The following PUM2 variants were observed in gnomAD, a reference collection of about 807,000 sequenced individuals.
The protein encoded by PUM2 is pumilio homolog 2.
Under a neutral mutation model 124.5 loss-of-function variants are expected in PUM2, and 57 were observed. The observed-to-expected ratio is 0.46, with a 90% CI of 0.37 to 0.57. The LOEUF is 0.57. Among genes scored for constraint, PUM2 ranks in the 20% least tolerant of loss-of-function variants. The pLI, the probability that PUM2 is intolerant of heterozygous loss-of-function variation, is 0.00. For missense variants in PUM2, 1,065 were observed against 1,290.6 expected (o/e 0.83, Z 2.68); for synonymous variants, 460 against 446.1 (o/e 1.03, Z -0.39).
At chr2:20,306,960 T>C (rs1678471686) in intron 7 of PUM2, among the ~76,000 whole-genome samples, 1 of 146,492 alleles carries the variant, frequency 6.8e-6, no homozygotes, top group Admixed American at 6.8e-5. Flanking sequence ...ACACCTGCAA[T>C]CCCAGCACTT....
At chr2:20,302,799 ACT>A (rs1192495769) in intron 7 of PUM2, among the ~76,000 whole-genome samples, 11 of 152,168 alleles carry the variant, frequency 7.2e-5, no homozygotes, top group African/African-American at 2.2e-4. Flanking sequence ...AAATGCAGAA[ACT>A]CTGTTCAAAT....
intron 10 of PUM2, among the ~76,000 whole-genome samples, chr2:20,284,516 C>T (rs750191958): frequency 5.3e-5 from 8 of 151,192 alleles, no homozygotes; most frequent in Non-Finnish European, 7.4e-5. Flanking sequence ...CCACCAGGTC[C>T]GGATAATTTA....
intron 1 of PUM2, among the ~76,000 whole-genome samples, chr2:20,332,282 A>AGTGTGTGTGT (rs55986830): frequency 0.013 from 1,845 of 145,398 alleles, 18 homozygotes; most frequent in Non-Finnish European, 0.015. Flanking sequence ...ATACTACTAG[A>AGTGTGTGTGT]GTGTGTGTGT....
chr2:20,263,109 G>C lies in PUM2; in HGVS notation c.2225+84C>G, dbSNP rs896092050. Reference sequence around the variant, plus strand: ...CTTAAAAGCTTCCAACTTTAATGCAGACTAAAGTCCAGAAAAATTTAAGCT... The same window carrying C: ...CTTAAAAGCTTCCAACTTTAATGCACACTAAAGTCCAGAAAAATTTAAGCT... On this transcript the variant is annotated intron_variant, in intron 14 of 20. Transcript: ENST00000361078. The C allele has an allele frequency of 3.7e-6, 5 of 1,353,302 alleles. No individual in the cohort carries two copies. In the Admixed American group the frequency reaches 1.1e-4, roughly 29 times the overall value. The allele number at this position is 1,353,302 out of a possible 1,614,324, so 83.8% of individuals were successfully genotyped here. A position where few individuals can be genotyped will look rare whatever the true frequency, so the allele number is the denominator to read the frequency against.
chr2:20,350,582 C>A lies in PUM2; in HGVS notation c.-19+15G>T. On this transcript the variant is annotated intron_variant, in intron 1 of 20. Coordinates refer to ENST00000361078, the MANE Select transcript of PUM2 (RefSeq NM_015317.5). Reference sequence around the variant, plus strand: ...GCCAAAGGACCGGAGAAAGAGCGAACGCGGACTGACTTACAGGGCTGCTGC... The same window carrying A: ...GCCAAAGGACCGGAGAAAGAGCGAAAGCGGACTGACTTACAGGGCTGCTGC... 1 of 985,462 alleles carries A rather than the reference C, an allele frequency of 1.0e-6. No individual in the cohort carries two copies. The highest frequency in any genetic ancestry group is 1.2e-6 in the Non-Finnish European group (1 of 829,956). The allele number at this position is 985,462 out of a possible 1,614,324, so 61.0% of individuals were successfully genotyped here.
chr2:20,298,139 C>T (rs1676076818), intron 7 of PUM2, among the ~76,000 whole-genome samples: 1 of 152,178 alleles, frequency 6.6e-6, no homozygotes, highest in Non-Finnish European at 1.5e-5. Context: ...CAAAGCACTC[C>T]ATCTGGTGAG....
At chr2:20,267,938 G>C (rs866279232) in intron 13 of PUM2, among the ~76,000 whole-genome samples, 3 of 152,154 alleles carry the variant, frequency 2.0e-5, no homozygotes, top group African/African-American at 4.8e-5. Context: ...CTATGGATAC[G>C]AAAGGCAAGA....
chr2:20,255,140 C>G, intron 18 of PUM2, 76 bp downstream of exon 18: 1 of 1,501,500 alleles, frequency 6.7e-7, no homozygotes, highest in Non-Finnish European at 9.1e-7. Flanking sequence ...TGTTTAGTAA[C>G]AAATTGTATT....
chr2:20,327,946 C>CCAAGGAGCTCAATTAAGGCTA (rs1173954611), intron 1 of PUM2, among the ~76,000 whole-genome samples: 1 of 152,132 alleles, frequency 6.6e-6, no homozygotes, highest in African/African-American at 2.4e-5. Context: ...GAGACAGACT[C>CCAAGGAGCTCAATTAAGGCTA]CAAGGAGCTC....
At chr2:20,289,061 G>A (rs1307052052) in intron 10 of PUM2, among the ~76,000 whole-genome samples, 1 of 152,104 alleles carries the variant, frequency 6.6e-6, no homozygotes, top group Non-Finnish European at 1.5e-5. Context: ...GGGAGGCCAA[G>A]GTGGGTGGAT....
intron 13 of PUM2, among the ~76,000 whole-genome samples, chr2:20,269,313 GC>G: frequency 6.6e-6 from 1 of 152,132 alleles, no homozygotes; most frequent in South Asian, 2.1e-4. Context: ...CCATTCTCCT[GC>G]CTCAGCCTCC....
chr2:20,313,916 G>A (rs972239648), intron 3 of PUM2, among the ~76,000 whole-genome samples: 5 of 151,584 alleles, frequency 3.3e-5, no homozygotes, highest in African/African-American at 1.2e-4. Flanking sequence ...ACTGAGGCGG[G>A]TGGACTGCTT....
chr2:20,296,422 G>A (rs894858196), intron 8 of PUM2, among the ~76,000 whole-genome samples: 3 of 152,112 alleles, frequency 2.0e-5, no homozygotes, highest in African/African-American at 4.8e-5. Context: ...GTGAACCCGG[G>A]AGGCGGAGCT....
intron 2 of PUM2, among the ~76,000 whole-genome samples, chr2:20,321,061 G>C (rs555847494): frequency 1.3e-5 from 2 of 152,196 alleles, no homozygotes; most frequent in Admixed American, 1.3e-4. Flanking sequence ...TTATGAGGTA[G>C]TAAAAGTAAT....
At chr2:20,320,037 A>C (rs557593910) in intron 2 of PUM2, among the ~76,000 whole-genome samples, 2 of 152,186 alleles carry the variant, frequency 1.3e-5, no homozygotes, top group South Asian at 4.1e-4. Context: ...GGAGGCCTAG[A>C]CAGGTGGATC....
At chr2:20,264,017 T>A (rs1348172821) in intron 13 of PUM2, among the ~76,000 whole-genome samples, 2 of 151,994 alleles carry the variant, frequency 1.3e-5, no homozygotes, top group Non-Finnish European at 2.9e-5. Context: ...TATACACTAT[T>A]TTAAGATTTT....
In PUM2 at chr2:20,283,329, T is replaced by G; in HGVS notation, c.1435+14A>C. The G allele has an allele frequency of 6.2e-7, 1 of 1,612,594 alleles. No homozygotes were observed. The highest frequency in any genetic ancestry group is 1.1e-5 in the South Asian group (1 of 90,940). ...CCAGAAAAATATTATCCTAAAAATG[T>G]CAGTTACACTTACCAGCTTGTGCTG... On this transcript the variant is annotated intron_variant, in intron 11 of 20. Coordinates refer to ENST00000361078, the MANE Select transcript of PUM2 (RefSeq NM_015317.5).
At chr2:20,315,836 CAAAAAAAAAAAAAA>C (rs60828412) in intron 3 of PUM2, among the ~76,000 whole-genome samples, 1 of 72,352 alleles carries the variant, frequency 1.4e-5, no homozygotes, top group Non-Finnish European at 2.6e-5. Context: ...AACCTGGTCT[CAAAAAAAAAAAAAA>C]AAAAAAAACA....
rs762207632 is a variant in PUM2 at position 20,278,571 on chromosome 2, T to C, written c.1957+12A>G. ...TACATACAAATAAAAAGGGTTTTGG[T>C]TTTTTTTTTACCTAAATGCAAACTG... On this transcript the variant is annotated intron_variant, in intron 13 of 20. Transcript: ENST00000361078. The C allele has an allele frequency of 7.3e-7, 1 of 1,371,712 alleles. No homozygotes were observed. 85.0% of individuals were successfully genotyped at this position (1,371,712 alleles called of 1,614,324 possible).
Sources: gnomAD v4.1 joint callset for allele counts (sites outside exome capture counted in the v4.1 genomes callset) on GRCh38, gnomAD v4.1.1 for gene constraint, MANE v1.5 for transcripts, NCBI Gene and HGNC (gene_info 2026-07-23, HGNC 2026-07-21) for gene names.